Variants in EPC1 observed in about 807,000 individuals in gnomAD.
EPC1 encodes enhancer of polycomb 1.
Under a neutral mutation model 98.4 loss-of-function variants are expected in EPC1, and 12 were observed. That is an observed-to-expected ratio of 0.12 (90% confidence interval 0.08 to 0.20). EPC1 has a LOEUF of 0.20. Among genes scored for constraint, EPC1 ranks in the 10% least tolerant of loss-of-function variants. EPC1 has a pLI of 1.00. For missense variants in EPC1, 729 were observed against 990.5 expected (o/e 0.74, Z 3.54); for synonymous variants, 357 against 363.9 (o/e 0.98, Z 0.21).
intron 10 of EPC1, among the ~76,000 whole-genome samples, chr10:32,280,926 A>G (rs540617268): frequency 1.3e-5 from 2 of 152,292 alleles, no homozygotes; most frequent in East Asian, 3.9e-4. Flanking sequence ...CCAAGAACCA[A>G]AACTTTTTCT....
intron 1 of EPC1, among the ~76,000 whole-genome samples, chr10:32,371,164 C>A (rs1043448632): frequency 3.9e-5 from 6 of 152,298 alleles, no homozygotes; most frequent in Non-Finnish European, 8.8e-5. Context: ...AATAATGGAA[C>A]CGCAAAGCAA....
intron 1 of EPC1, among the ~76,000 whole-genome samples, chr10:32,323,758 T>C (rs527513042): frequency 6.6e-6 from 1 of 152,208 alleles, no homozygotes; most frequent in South Asian, 2.1e-4. Context: ...ACATATTAGC[T>C]CTCTGACTAA....
intron 10 of EPC1, chr10:32,282,749 A>G (rs190567597): frequency 9.2e-5 from 14 of 152,342 alleles, no homozygotes; most frequent in Admixed American, 9.2e-4. Flanking sequence ...ATCCTTAAAT[A>G]TTTAGGATAG....
chr10:32,295,720 TATTA>T (rs1329613936), intron 2 of EPC1, among the ~76,000 whole-genome samples: 1 of 152,208 alleles, frequency 6.6e-6, no homozygotes, highest in Non-Finnish European at 1.5e-5. Flanking sequence ...ACTGAATTTA[TATTA>T]ATTAAATAAA....
chr10:32,270,982 C>G (rs1393228152), intron 13 of EPC1, among the ~76,000 whole-genome samples: 1 of 144,826 alleles, frequency 6.9e-6, no homozygotes, highest in African/African-American at 2.6e-5. Flanking sequence ...CGGAAGAAAA[C>G]TGAGAGCATT....
At chr10:32,279,981 G>A (rs192346988) in intron 10 of EPC1, among the ~76,000 whole-genome samples, 8 of 152,182 alleles carry the variant, frequency 5.3e-5, no homozygotes, top group Middle Eastern at 3.4e-3. Flanking sequence ...AGAGGACCAA[G>A]CACTCAACAC....
chr10:32,329,882 T>A lies in EPC1; in HGVS notation c.153+16881A>T, dbSNP rs1017691129. On this transcript the variant is annotated intron_variant, in intron 1 of 13. Coordinates refer to ENST00000319778, the MANE Select transcript of EPC1 (RefSeq NM_001272004.3). ...ATTATGAGAGCCTGTGACAGTCCTG[T>A]CATAATGAGTGGATACCTAAGGAAG... is the stretch of plus-strand genomic sequence containing the variant. Among the ~76,000 whole-genome samples, 3 of 152,182 alleles carry A rather than the reference T, an allele frequency of 2.0e-5. No homozygotes were observed. In the East Asian group the frequency reaches 5.8e-4, roughly 29 times the overall value.
At chr10:32,286,503 G>A (rs1836686157) in intron 9 of EPC1, 191 bp downstream of exon 9, 2 of 644,690 alleles carry the variant, frequency 3.1e-6, no homozygotes, top group African/African-American at 1.8e-5. Context: ...ACCCAATAGA[G>A]TTATGTCAAA....
chr10:32,275,609 A>C (rs560415350), intron 10 of EPC1, among the ~76,000 whole-genome samples: 4 of 152,100 alleles, frequency 2.6e-5, no homozygotes, highest in East Asian at 1.9e-4. Context: ...TACCAAAAAA[A>C]AAAAACAAAA....
At chr10:32,344,137 TTTG>T (rs1458966294) in intron 1 of EPC1, among the ~76,000 whole-genome samples, 2 of 151,960 alleles carry the variant, frequency 1.3e-5, no homozygotes, top group African/African-American at 4.8e-5. Flanking sequence ...CATCAAAAAG[TTTG>T]TTTTTCTATG....
chr10:32,275,615 C>CA (rs1178054247), intron 10 of EPC1, among the ~76,000 whole-genome samples: 3 of 136,584 alleles, frequency 2.2e-5, no homozygotes, highest in African/African-American at 5.4e-5. Context: ...AAAAAAAAAA[C>CA]AAAAAAAAAA....
At chr10:32,319,579 C>G (rs185836381) in intron 1 of EPC1, among the ~76,000 whole-genome samples, 1 of 152,096 alleles carries the variant, frequency 6.6e-6, no homozygotes, top group Non-Finnish European at 1.5e-5. Context: ...GAGAAAACAT[C>G]AGACAAACCT....
At chr10:32,368,121 C>G (rs769818691) in intron 1 of EPC1, among the ~76,000 whole-genome samples, 2 of 152,214 alleles carry the variant, frequency 1.3e-5, no homozygotes, top group Non-Finnish European at 2.9e-5. Context: ...TGGAGTTTCC[C>G]TCCACAATGC....
chr10:32,333,576 G>A (rs1837769703), intron 1 of EPC1, among the ~76,000 whole-genome samples: 1 of 152,160 alleles, frequency 6.6e-6, no homozygotes, highest in Non-Finnish European at 1.5e-5. Context: ...AATGCATTCT[G>A]AGCCAAGATC....
intron 1 of EPC1, among the ~76,000 whole-genome samples, chr10:32,320,172 T>C (rs1836811063): frequency 6.6e-6 from 1 of 151,036 alleles, no homozygotes; most frequent in South Asian, 2.1e-4. Context: ...GTAAGTAAAA[T>C]TACTTCCAAA....
At chr10:32,378,482 C>A in intron 1 of EPC1, 1 of 1,546,032 alleles carries the variant, frequency 6.5e-7, no homozygotes, top group Non-Finnish European at 8.7e-7. Flanking sequence ...GTGAAAATTA[C>A]AAACTTACCA....
At chr10:32,279,938 C>T (rs1247279510) in intron 10 of EPC1, among the ~76,000 whole-genome samples, 3 of 152,154 alleles carry the variant, frequency 2.0e-5, no homozygotes, top group African/African-American at 7.2e-5. Flanking sequence ...TTCCCAGTTC[C>T]TTACCACTGT....
At chr10:32,369,491 C>T (rs1009564127) in intron 1 of EPC1, among the ~76,000 whole-genome samples, 10 of 152,096 alleles carry the variant, frequency 6.6e-5, no homozygotes, top group Admixed American at 4.6e-4. Context: ...CCAACCAAAA[C>T]CACTGTTCGT....
intron 13 of EPC1, among the ~76,000 whole-genome samples, chr10:32,270,137 AAC>A (rs1346179739): frequency 2.0e-5 from 3 of 152,240 alleles, no homozygotes; most frequent in African/African-American, 7.2e-5. Flanking sequence ...CCCGAAGACT[AAC>A]ACAGATTGGA....
Sources: allele counts gnomAD v4.1 joint callset (sites outside exome capture counted in the v4.1 genomes callset), GRCh38; gene constraint gnomAD v4.1.1; transcripts MANE v1.5; gene names NCBI Gene and HGNC (gene_info 2026-07-23, HGNC 2026-07-21).